EMSY: variants seen among roughly 807,000 people sequenced by gnomAD.
EMSY encodes EMSY transcriptional repressor, BRCA2 interacting, also known as BRCA2-interacting transcriptional repressor EMSY.
EMSY carries 26 observed loss-of-function variants against 134.6 expected under a neutral mutation model. The ratio of observed to expected loss-of-function variants is 0.19; its 90% confidence interval spans 0.14 to 0.27. EMSY has a LOEUF of 0.27. EMSY is among the 10% of genes least tolerant of loss of function. The pLI is 1.00. For synonymous variants in EMSY, 579 were observed against 577.8 expected (o/e 1.00, Z -0.03); for missense variants, 1,305 against 1,611.4 (o/e 0.81, Z 3.26).
chr11:76,490,203 A>T, intron 8 of EMSY, among the ~76,000 whole-genome samples: 1 of 148,108 alleles, frequency 6.8e-6, no homozygotes. Context: ...TAAGGATTCC[A>T]TTTTATTTCC....
chr11:76,453,401 T>C lies in EMSY; in HGVS notation c.245+13T>C. 6.2e-7 allele frequency: 1 copy of C among 1,609,978 alleles called. No individual in the cohort carries two copies. The highest frequency in any genetic ancestry group is 1.3e-5 in the African/African-American group (1 of 74,952). ...CAATTGCACATAAGTAAGCCATTAG[T>C]CGTACCATCCCTGATTTTTTATGAC... is the stretch of plus-strand genomic sequence containing the variant. On this transcript the variant is annotated intron_variant, in intron 4 of 20. Transcript: ENST00000334736.
chr11:76,487,719 G>T (rs1240930709), intron 8 of EMSY, among the ~76,000 whole-genome samples: 1 of 152,208 alleles, frequency 6.6e-6, no homozygotes, highest in Non-Finnish European at 1.5e-5. Context: ...TTATCTTCAG[G>T]CTGTGTATAA....
chr11:76,490,739 A>G (rs1174186355), intron 8 of EMSY, among the ~76,000 whole-genome samples: 1 of 152,134 alleles, frequency 6.6e-6, no homozygotes, highest in African/African-American at 2.4e-5. Flanking sequence ...TTCATCTTAT[A>G]CTTTTCCTAT....
At chr11:76,472,687 C>G in exon 8 of EMSY, 1 of 1,614,196 alleles carries the variant, frequency 6.2e-7, no homozygotes, top group South Asian at 1.1e-5. Flanking sequence ...AACCCAGAAG[C>G]CACCAGTTGT....
chr11:76,549,252 G>T (rs1198126618), intron 20 of EMSY, among the ~76,000 whole-genome samples: 1 of 152,188 alleles, frequency 6.6e-6, no homozygotes, highest in Non-Finnish European at 1.5e-5. Flanking sequence ...ATGTACAAGT[G>T]AGTTTGGCAT....
In EMSY at chr11:76,493,421, C is replaced by G. The variant is rs1005472322; in HGVS notation, c.1109-2794C>G. Among the ~76,000 whole-genome samples the G allele has an allele frequency of 2.0e-5, 3 of 152,126 alleles. No individual in the cohort carries two copies. The East Asian group carries it at 5.8e-4, about 29-fold the overall frequency. On this transcript the variant is annotated intron_variant, in intron 8 of 20. Transcript: ENST00000334736. ...GGGGTGGGTCCCGGTGAGGTCCCAC[C>G]CTCAAACCAGGGATGGCCTGAAGCA...
chr11:76,540,174 ATAAT>A (rs1359809005), intron 17 of EMSY, among the ~76,000 whole-genome samples: 2 of 152,214 alleles, frequency 1.3e-5, no homozygotes, highest in African/African-American at 2.4e-5. Context: ...GCTTAATGTA[ATAAT>A]TATGAAGATT....
chr11:76,523,070 G>A, intron 11 of EMSY, 85 bp from the exon 13 acceptor site: 2 of 1,317,820 alleles, frequency 1.5e-6, no homozygotes, highest in Non-Finnish European at 1.0e-6. Flanking sequence ...TTTACTATAT[G>A]TACTAATTGT....
In EMSY at chr11:76,485,253, T is replaced by C. The variant is rs535029583; in HGVS notation, c.1109-10962T>C. On this transcript the variant is annotated intron_variant, in intron 8 of 20. Transcript: ENST00000334736. ...CAGCAGAGACACAACAACAAGAAAA[T>C]TTCAGGCCAATATCCCTGATGAACA... 2.6e-5 allele frequency among the ~76,000 whole-genome samples: 4 copies of C among 152,040 alleles called. No homozygotes were observed. In the South Asian group the frequency reaches 8.3e-4, roughly 32 times the overall value.
At chr11:76,468,945 G>T (rs902852187) in intron 7 of EMSY, among the ~76,000 whole-genome samples, 3 of 152,044 alleles carry the variant, frequency 2.0e-5, no homozygotes, top group African/African-American at 7.2e-5. Context: ...TGGTTCACTT[G>T]GTTTTAAACC....
chr11:76,503,929 C>T lies in EMSY; in HGVS notation c.1363+7460C>T, dbSNP rs575359635. ...CCTCCCGAGTAGCTGGGATTACAGG[C>T]GCGCACCATCACGCCCGGCTAATTT... On this transcript the variant is annotated intron_variant, in intron 9 of 20. Transcript: ENST00000334736. Among the ~76,000 whole-genome samples, 216 of 151,880 alleles carry T rather than the reference C, an allele frequency of 1.4e-3. 1 individual carries two copies. The highest frequency in any genetic ancestry group is 3.4e-3 in the Middle Eastern group (1 of 290).
chr11:76,472,763 C>T (rs2135364304), exon 8 of EMSY: 1 of 1,614,162 alleles, frequency 6.2e-7, no homozygotes, highest in Non-Finnish European at 8.5e-7. Context: ...TCTACACCAT[C>T]ACCTATTCCT....
intron 16 of EMSY, among the ~76,000 whole-genome samples, chr11:76,538,779 G>A (rs755682797): frequency 2.6e-5 from 4 of 152,010 alleles, no homozygotes; most frequent in East Asian, 1.9e-4. Context: ...CCAACATAGC[G>A]AAACCCCATC....
intron 3 of EMSY, among the ~76,000 whole-genome samples, chr11:76,452,240 A>G (rs1382345866): frequency 6.6e-6 from 1 of 152,196 alleles, no homozygotes; most frequent in Non-Finnish European, 1.5e-5. Context: ...CCACCTGGAT[A>G]AGGGAGGTGC....
At chr11:76,471,679 T>A (rs1036556476) in intron 7 of EMSY, among the ~76,000 whole-genome samples, 10 of 152,078 alleles carry the variant, frequency 6.6e-5, no homozygotes, top group Non-Finnish European at 1.3e-4. Flanking sequence ...TGATTATGGG[T>A]TTTTGGACAG....
At chr11:76,451,720 A>T in intron 2 of EMSY, 138 bp from the exon 3 acceptor site, 1 of 436,940 alleles carries the variant, frequency 2.3e-6, no homozygotes, top group Non-Finnish European at 4.0e-6. Flanking sequence ...ATGTTATTAG[A>T]TAAAATTTTT....
intron 9 of EMSY, among the ~76,000 whole-genome samples, chr11:76,499,529 C>T (rs777354252): frequency 1.2e-4 from 18 of 151,982 alleles, no homozygotes; most frequent in East Asian, 9.7e-4. Context: ...CCTCGTGATC[C>T]GCCCTCCTCC....
chr11:76,461,494 T>C (rs1033229487), intron 6 of EMSY, among the ~76,000 whole-genome samples: 11 of 152,378 alleles, frequency 7.2e-5, no homozygotes, highest in African/African-American at 2.6e-4. Flanking sequence ...TTAAAAAGTC[T>C]ACAAAAACAG....
intron 2 of EMSY, among the ~76,000 whole-genome samples, chr11:76,450,978 G>T (rs1350495202): frequency 6.6e-6 from 1 of 151,194 alleles, no homozygotes; most frequent in African/African-American, 2.4e-5. Context: ...TATTTTTTTT[G>T]TACAGCCAGA....
Sources: allele counts gnomAD v4.1 joint callset (sites outside exome capture counted in the v4.1 genomes callset), GRCh38; gene constraint gnomAD v4.1.1; transcripts MANE v1.5; gene names NCBI Gene and HGNC (gene_info 2026-07-23, HGNC 2026-07-21).